MRE11: variants seen among roughly 807,000 people sequenced by gnomAD.
MRE11 encodes the protein MRE11 double strand break repair nuclease.
A neutral mutation model predicts 91.7 loss-of-function variants in MRE11; 62 were observed. That is an observed-to-expected ratio of 0.68 (90% CI 0.55 to 0.84). The LOEUF is 0.84. Among genes scored for constraint, MRE11 ranks in the 40% least tolerant of loss-of-function variants. The pLI is 0.00. For missense variants in MRE11, 796 were observed against 852.9 expected (o/e 0.93, Z 0.83); for synonymous variants, 273 against 271.4 (o/e 1.01, Z -0.06).
intron 13 of MRE11, 122 bp downstream of exon 13, chr11:94,459,282 TTTTA>T (rs1367680892): frequency 2.0e-6 from 2 of 997,572 alleles, no homozygotes; most frequent in African/African-American, 3.3e-5. Flanking sequence ...ATCATTTCAA[TTTTA>T]TAGATGAGAA....
chr11:94,471,101 G>A (rs12276035), intron 8 of MRE11, among the ~76,000 whole-genome samples: 223 of 152,060 alleles, frequency 1.5e-3, no homozygotes, highest in African/African-American at 5.1e-3. Flanking sequence ...CAGAACTCAA[G>A]TGATTCAAAA....
intron 15 of MRE11, 93 bp downstream of exon 15, chr11:94,447,126 A>T (rs935872702): frequency 2.0e-5 from 26 of 1,297,234 alleles, no homozygotes; most frequent in Middle Eastern, 4.9e-4. Context: ...TTTTAGAAAT[A>T]AAACTTATAA....
chr11:94,459,566 G>A lies in MRE11; in HGVS notation c.1342C>T (p.Leu448=), dbSNP rs774972166. The change falls in exon 13 of 20, where the codon CTG becomes TTG. Residue 448 remains leucine, a synonymous_variant. Transcript: ENST00000323929. ...QTAEKNVQLS[L]LTERGMGEAV... ...TCACCCATCCCTCTTTCTGTTAGCA[G>A]TGAGAGCTGCACATTCTGTAAGATA... The A allele has an allele frequency of 1.2e-6, 2 of 1,613,960 alleles. No homozygotes were observed. The highest frequency in any genetic ancestry group is 1.7e-5 in the Admixed American group (1 of 60,024).
At chr11:94,477,214 T>C (rs1264872209) in intron 6 of MRE11, among the ~76,000 whole-genome samples, 2 of 152,170 alleles carry the variant, frequency 1.3e-5, no homozygotes, top group Non-Finnish European at 1.5e-5. Context: ...TGATCTAATA[T>C]ATACATTATA....
chr11:94,449,110 A>G (rs1267387387), intron 14 of MRE11, among the ~76,000 whole-genome samples: 1 of 152,164 alleles, frequency 6.6e-6, no homozygotes, highest in Non-Finnish European at 1.5e-5. Context: ...TGACCAGAAC[A>G]TTTCTAAGCT....
chr11:94,423,112 C>T lies in MRE11; in HGVS notation c.2071-2931G>A, dbSNP rs369793690. On this transcript the variant is annotated intron_variant, in intron 19 of 19. Transcript: ENST00000323929. Reference sequence around the variant, plus strand: ...CTGCCACTAATAAAGACCAAAATATCGAGTAAGCCAACATATTTTGAGCAG... The same window carrying T: ...CTGCCACTAATAAAGACCAAAATATTGAGTAAGCCAACATATTTTGAGCAG... Among the ~76,000 whole-genome samples the T allele has an allele frequency of 7.2e-5, 11 of 152,178 alleles. No individual in the cohort carries two copies. In the East Asian group the frequency reaches 1.7e-3, roughly 24 times the overall value.
upstream of MRE11, among the ~76,000 whole-genome samples, chr11:94,494,430 A>C (rs1947379769): frequency 1.3e-5 from 2 of 152,234 alleles, no homozygotes; most frequent in Admixed American, 1.3e-4. Flanking sequence ...CTGCCCTTTC[A>C]GTTCCATTGA....
intron 11 of MRE11, 111 bp from the exon 12 acceptor site, chr11:94,461,147 G>T: frequency 1.2e-6 from 1 of 825,496 alleles, no homozygotes; most frequent in Non-Finnish European, 1.9e-6. Context: ...GCAACTGCCA[G>T]CTTGCTCAAC....
At chr11:94,498,079 A>G (rs536917741), upstream of MRE11, 172 of 1,602,282 alleles carry the variant, frequency 1.1e-4, 3 homozygotes, top group South Asian at 1.9e-3. Flanking sequence ...AGCTTACCAC[A>G]GTGCGGAGAC....
chr11:94,505,375 G>T, the MRE11 span, among the ~76,000 whole-genome samples: 1 of 152,242 alleles, frequency 6.6e-6, no homozygotes, highest in Non-Finnish European at 1.5e-5. Flanking sequence ...CAGTGATCGT[G>T]ATGACCCTAT....
chr11:94,500,563 C>T, the MRE11 span, among the ~76,000 whole-genome samples: 1 of 152,160 alleles, frequency 6.6e-6, no homozygotes, highest in Admixed American at 6.5e-5. Context: ...TATACAAAGA[C>T]TTATTAAAAA....
At chr11:94,485,893 ATCAC>A in intron 4 of MRE11, 27 bp downstream of exon 4, 1 of 1,602,148 alleles carries the variant, frequency 6.2e-7, no homozygotes, top group Non-Finnish European at 8.5e-7. Flanking sequence ...TACACAAGTA[ATCAC>A]TCACTCAAGT....
intron 10 of MRE11, 70 bp from the exon 11 acceptor site, chr11:94,464,309 C>A: frequency 6.3e-7 from 1 of 1,588,536 alleles, no homozygotes; most frequent in Non-Finnish European, 8.6e-7. Flanking sequence ...ACACACTAAT[C>A]CTTCAGTATT....
chr11:94,499,814 AT>A, the MRE11 span, among the ~76,000 whole-genome samples: 5 of 152,170 alleles, frequency 3.3e-5, no homozygotes, highest in African/African-American at 7.2e-5. Flanking sequence ...AATTTTTAAG[AT>A]GTCCACCAAG....
intron 9 of MRE11, among the ~76,000 whole-genome samples, chr11:94,468,763 T>G (rs1489313316): frequency 6.6e-6 from 1 of 152,214 alleles, no homozygotes; most frequent in Non-Finnish European, 1.5e-5. Flanking sequence ...TATGTGGATA[T>G]AGAGTACTTG....
intron 14 of MRE11, among the ~76,000 whole-genome samples, chr11:94,454,645 T>C (rs1299579491): frequency 6.6e-6 from 1 of 152,176 alleles, no homozygotes; most frequent in Non-Finnish European, 1.5e-5. Context: ...TAGCTGAATA[T>C]CTGAACTTGT....
intron 2 of MRE11, chr11:94,492,531 G>A: frequency 1.5e-6 from 1 of 656,814 alleles, no homozygotes; most frequent in South Asian, 2.0e-5. Context: ...TGAAGCCTAA[G>A]AACATAAACA....
At chr11:94,441,421 T>C (rs1251701987) in intron 16 of MRE11, among the ~76,000 whole-genome samples, 1 of 152,188 alleles carries the variant, frequency 6.6e-6, no homozygotes, top group African/African-American at 2.4e-5. Context: ...TGAAGGAAGA[T>C]GGCTTCATCC....
chr11:94,497,340 G>A (rs1228247012), upstream of MRE11: 1 of 328,836 alleles, frequency 3.0e-6, no homozygotes, highest in Non-Finnish European at 5.5e-6. Context: ...GTAAGAAATT[G>A]AGATTCAGGA....
Sources: gnomAD v4.1 joint callset for allele counts (sites outside exome capture counted in the v4.1 genomes callset) on GRCh38, gnomAD v4.1.1 for gene constraint, MANE v1.5 for transcripts, NCBI Gene and HGNC (gene_info 2026-07-23, HGNC 2026-07-21) for gene names.